HERC2: variants seen among roughly 807,000 people sequenced by gnomAD.
HERC2 encodes E3 ubiquitin-protein ligase HERC2.
In HERC2, 102 loss-of-function variants were observed where a neutral mutation model predicts 537.7. The observed-to-expected ratio is 0.19, with a 90% CI of 0.16 to 0.22. HERC2 has a LOEUF of 0.22. Among genes scored for constraint, HERC2 ranks in the 10% least tolerant of loss-of-function variants. The pLI, the probability that HERC2 is intolerant of heterozygous loss-of-function variation, is 1.00. For synonymous variants in HERC2, 2,224 were observed against 2,466.2 expected (o/e 0.90, Z 2.91); for missense variants, 4,236 against 6,198.2 (o/e 0.68, Z 10.63).
Position 28,157,012 on chromosome 15 carries a change from GT to G in HERC2, c.10747-4183del, listed in dbSNP as rs1337615696. Among the ~76,000 whole-genome samples, 5 of 152,152 alleles carry G rather than the reference GT, an allele frequency of 3.3e-5. No individual in the cohort carries two copies. The South Asian group carries it at 1.0e-3, about 32-fold the overall frequency. On this transcript the variant is annotated intron_variant, in intron 69 of 92. Coordinates refer to ENST00000261609, the MANE Select transcript of HERC2 (RefSeq NM_004667.6). ...CTGCATCTATTGAGATAATCATGTG[GT>G]TTTTGACTTTGGTTCTGTTTATATG... is the stretch of plus-strand genomic sequence containing the variant.
At chr15:28,310,094 CAGG>C (rs1356117127) in intron 2 of HERC2, among the ~76,000 whole-genome samples, 74 of 152,152 alleles carry the variant, frequency 4.9e-4, no homozygotes, top group African/African-American at 1.7e-3. Context: ...CACTTGTGCC[CAGG>C]AGTTTAAAAC....
rs763173945 is a variant in HERC2 at position 28,177,430 on chromosome 15, G to A, written c.9243C>T (p.His3081=). The change falls in exon 60 of 93, where the codon CAC becomes CAT. Residue 3081 remains histidine, a synonymous_variant. Transcript: ENST00000261609. The surrounding 1 kb of genome is among the most constrained non-coding windows in gnomAD (Gnocchi z 5.0). ...AAAAGTACCCTTACATTCTGCTGAA[G>A]TGTCCAAGTTTTCCATCGTCACCTT... The part of the protein sequence containing the change: ...WGEGDDGKLG[H]FSRMNCDKPR... 1.9e-6 allele frequency: 3 copies of A among 1,614,124 alleles called. No individual in the cohort carries two copies. The highest frequency in any genetic ancestry group is 2.5e-6 in the Non-Finnish European group (3 of 1,179,932).
At position 28,168,512 on chromosome 15, in the gene HERC2, A is replaced by G; in HGVS notation, c.10308T>C (p.Pro3436=). 6.2e-7 allele frequency: 1 copy of G among 1,614,194 alleles called. No homozygotes were observed. The highest frequency in any genetic ancestry group is 8.5e-7 in the Non-Finnish European group (1 of 1,180,024). Residue 3436 remains proline (P), a synonymous_variant, in exon 67 of 93, where the codon CCT becomes CCC. Coordinates refer to ENST00000261609, the MANE Select transcript of HERC2 (RefSeq NM_004667.6). ...VECPSFSSAA[P]SDASAMASPM... ...GACTAGCCATCGCAGATGCGTCGGA[A>G]GGGGCCGCCGAGGAGAACGAGGGGC...
In HERC2 at chr15:28,177,644, G is replaced by A. The variant is rs560545759; in HGVS notation, c.9164-135C>T. 5.6e-6 allele frequency: 4 copies of A among 709,944 alleles called. No homozygotes were observed. The highest frequency in any genetic ancestry group is 5.4e-5 in the East Asian group (2 of 37,272). The allele number at this position is 709,944 out of a possible 1,614,324, so 44.0% of individuals were successfully genotyped here. A position where few individuals can be genotyped will look rare whatever the true frequency, so the allele number is the denominator to read the frequency against. ...GCTGAATAAATGAGTAACTCAACAGGATCAACAGCGGAGTTAGCAGGAAAG... is the reference window on the plus strand; with the variant it reads ...GCTGAATAAATGAGTAACTCAACAGAATCAACAGCGGAGTTAGCAGGAAAG... On this transcript the variant is annotated intron_variant, in intron 59 of 92. Coordinates refer to ENST00000261609, the MANE Select transcript of HERC2 (RefSeq NM_004667.6). This position sits in a 1 kb window ranked among gnomAD's most constrained non-coding sequence, Gnocchi z 5.0.
intron 20 of HERC2, among the ~76,000 whole-genome samples, chr15:28,248,996 G>A (rs371566980): frequency 1.7e-4 from 26 of 152,310 alleles, no homozygotes; most frequent in East Asian, 5.8e-4. Context: ...GGAGCTGCGC[G>A]CAGTGGTCCA....
In HERC2 at chr15:28,122,794, C is replaced by A. The variant is rs1412376938; in HGVS notation, c.13188+1243G>T. Among the ~76,000 whole-genome samples the A allele has an allele frequency of 1.3e-5, 2 of 152,108 alleles. No homozygotes were observed. Among genetic ancestry groups the A allele is most frequent in the Non-Finnish European group, 2.9e-5 (2 of 68,030 alleles). ...TCAGCACTCCCCTGCTCTCCTGCAG[C>A]CCCAGCAGGTGCCAGATGCTGCTGC... On this transcript the variant is annotated intron_variant, in intron 85 of 92. Transcript: ENST00000261609. The surrounding 1 kb of genome is among the most constrained non-coding windows in gnomAD (Gnocchi z 4.1).
intron 63 of HERC2, 54 bp from the exon 64 acceptor site, chr15:28,175,710 T>G (rs949336046): frequency 3.1e-5 from 48 of 1,573,468 alleles, no homozygotes; most frequent in Non-Finnish European, 3.9e-5. Flanking sequence ...CTGACAATGC[T>G]ATACAAGAAG....
rs1412338545 is a variant in HERC2, at chr15:28,265,664, C to T, written c.1824G>A (p.Val608=). 1 of 1,614,198 alleles carries T rather than the reference C, an allele frequency of 6.2e-7. No homozygotes were observed. The highest frequency in any genetic ancestry group is 1.1e-5 in the South Asian group (1 of 91,078). ...TTTGAGCATCCCCACTCCCACACGCCACATCGATGACCTTCAGTCCTTTAA... is the reference window on the plus strand; with the variant it reads ...TTTGAGCATCCCCACTCCCACACGCTACATCGATGACCTTCAGTCCTTTAA... ...AGLKGLKVID[V]ACGSGDAQTL... The change falls in exon 14 of 93, where the codon GTG becomes GTA. Residue 608 remains valine (V), a synonymous_variant. Coordinates refer to ENST00000261609, the MANE Select transcript of HERC2 (RefSeq NM_004667.6). This position sits in a 1 kb window ranked among gnomAD's most constrained non-coding sequence, Gnocchi z 4.0.
At chr15:28,162,021 C>A (rs1893648351) in intron 69 of HERC2, among the ~76,000 whole-genome samples, 1 of 152,116 alleles carries the variant, frequency 6.6e-6, no homozygotes, top group South Asian at 2.1e-4. Flanking sequence ...GTAAACAATA[C>A]ATGAAATCAT....
intron 57 of HERC2, 91 bp downstream of exon 57, chr15:28,182,310 C>A (rs1895897397): frequency 1.3e-6 from 1 of 790,518 alleles, no homozygotes; most frequent in Non-Finnish European, 2.2e-6. Context: ...AACAATACAA[C>A]ATATAGAGAG....
At chr15:28,279,146 C>G (rs2075956798) in intron 5 of HERC2, among the ~76,000 whole-genome samples, 1 of 152,106 alleles carries the variant, frequency 6.6e-6, no homozygotes, top group Non-Finnish European at 1.5e-5. Flanking sequence ...CATGAGCCAC[C>G]AAGCCCCGGC....
In HERC2 at chr15:28,178,893, G is replaced by T; in HGVS notation, c.9157C>A (p.His3053Asn). ...SSYVVKKVAV[H>N]SGGRHATALT... ...CCTGGTGCTTGGCTTGTACCTGAGT[G>T]AACAGCCACCTTCTTGACCACGTAG... Residue 3053 changes from histidine (H) to asparagine (N), a missense_variant, in exon 59 of 93, where the codon CAC (histidine) becomes AAC (asparagine). This residue lies in a region of HERC2 where 606 missense variants were observed against 884.5 expected (regional missense o/e 0.69). Transcript: ENST00000261609. 3 of 1,613,496 alleles carry T rather than the reference G, an allele frequency of 1.9e-6. No individual in the cohort carries two copies. Among genetic ancestry groups the T allele is most frequent in the Non-Finnish European group, 2.5e-6 (3 of 1,179,936 alleles).
At chr15:28,317,284 T>G (rs1414295619) in intron 2 of HERC2, among the ~76,000 whole-genome samples, 3 of 152,196 alleles carry the variant, frequency 2.0e-5, no homozygotes, top group Admixed American at 2.0e-4. Flanking sequence ...AGACAGGGTT[T>G]CACCATGGGC....
intron 3 of HERC2, among the ~76,000 whole-genome samples, chr15:28,295,242 A>G (rs2076430407): frequency 6.8e-6 from 1 of 147,210 alleles, no homozygotes; most frequent in African/African-American, 2.5e-5. Context: ...GAACCCAGCC[A>G]GGAACACAGC....
rs1321838801 is a variant in HERC2 at position 28,122,445 on chromosome 15, C to G, written c.13189-1016G>C. Among the ~76,000 whole-genome samples the G allele has an allele frequency of 6.6e-6, 1 of 152,168 alleles. No homozygotes were observed. Among genetic ancestry groups the G allele is most frequent in the South Asian group, 2.1e-4 (1 of 4,834 alleles). ...AGCTCAAAGCCTAAGAACTCCAAGC[C>G]CTGAAGGCAGGAGGTGAGGGCCCCA... is the stretch of plus-strand genomic sequence containing the variant. On this transcript the variant is annotated intron_variant, in intron 85 of 92. Transcript: ENST00000261609. The surrounding 1 kb of genome is among the most constrained non-coding windows in gnomAD (Gnocchi z 4.1).
chr15:28,297,396 T>C (rs2076498216), intron 3 of HERC2, among the ~76,000 whole-genome samples: 1 of 151,642 alleles, frequency 6.6e-6, no homozygotes, highest in East Asian at 1.9e-4. Flanking sequence ...TCAGTGTATC[T>C]AATACTGAAA....
At chr15:28,218,043 G>A (rs766030333) in intron 38 of HERC2, among the ~76,000 whole-genome samples, 4 of 151,876 alleles carry the variant, frequency 2.6e-5, no homozygotes, top group African/African-American at 9.7e-5. Context: ...AACCCCTATC[G>A]TACCTCGGCA....
intron 56 of HERC2, among the ~76,000 whole-genome samples, chr15:28,182,778 A>G (rs1296652700): frequency 2.6e-5 from 4 of 152,238 alleles, no homozygotes; most frequent in Admixed American, 1.3e-4. Context: ...ACGATGATAC[A>G]CCAGGCCTTC....
chr15:28,301,820 G>C (rs2076644789), intron 2 of HERC2, among the ~76,000 whole-genome samples: 1 of 44,270 alleles, frequency 2.3e-5, no homozygotes. Context: ...TTTTTTTTTT[G>C]AGACGGATCT....
Sources: gnomAD v4.1 joint callset for allele counts (sites outside exome capture counted in the v4.1 genomes callset) on GRCh38, gnomAD v4.1.1 for gene constraint, gnomAD v4.1.1 regional missense constraint, Gnocchi (gnomAD v3.1) non-coding constraint, MANE v1.5 for transcripts, NCBI Gene and HGNC (gene_info 2026-07-23, HGNC 2026-07-21) for gene names.